The following ITGAD variants were observed in gnomAD, a reference collection of about 807,000 sequenced individuals.
The protein encoded by ITGAD is integrin alpha-D.
ITGAD carries 105 observed loss-of-function variants against 139.0 expected under a neutral mutation model. That is an observed-to-expected ratio of 0.76 (90% CI 0.65 to 0.89). The LOEUF is 0.89. Ranked by LOEUF, ITGAD falls within the 40% of genes least tolerant of loss-of-function variation. ITGAD has a pLI of 0.00. For missense variants in ITGAD, 1,384 were observed against 1,487.3 expected (o/e 0.93, Z 1.14); for synonymous variants, 569 against 598.3 (o/e 0.95, Z 0.71).
intron 2 of ITGAD, among the ~76,000 whole-genome samples, chr16:31,395,169 A>T (rs1009131444): frequency 1.8e-4 from 27 of 152,122 alleles, no homozygotes; most frequent in African/African-American, 6.5e-4. Flanking sequence ...ATGCAAAAAA[A>T]ATTAGCCGGG....
intron 5 of ITGAD, among the ~76,000 whole-genome samples, chr16:31,400,574 G>T: frequency 6.6e-6 from 1 of 152,196 alleles, no homozygotes; most frequent in Non-Finnish European, 1.5e-5. Flanking sequence ...CACGATTGCA[G>T]AGTGAACTCC....
At chr16:31,401,005 TC>T (rs1421129989) in intron 5 of ITGAD, among the ~76,000 whole-genome samples, 1 of 152,054 alleles carries the variant, frequency 6.6e-6, no homozygotes, top group Non-Finnish European at 1.5e-5. Flanking sequence ...TTGCCTGTCA[TC>T]CCAGTGCTTT....
chr16:31,418,654 C>T, intron 23 of ITGAD, 90 bp downstream of exon 23: 2 of 938,058 alleles, frequency 2.1e-6, no homozygotes, highest in Non-Finnish European at 3.5e-6. Context: ...TCCAATGATG[C>T]ACATCTAAGC....
intron 16 of ITGAD, 50 bp from the exon 17 acceptor site, chr16:31,414,401 A>G: frequency 6.3e-7 from 1 of 1,591,590 alleles, no homozygotes; most frequent in Non-Finnish European, 8.6e-7. Flanking sequence ...AAAACAGAGC[A>G]TTCTAGGTTA....
chr16:31,418,711 A>G (rs971850567), intron 23 of ITGAD, 147 bp downstream of exon 23: 1 of 680,486 alleles, frequency 1.5e-6, no homozygotes, highest in Non-Finnish European at 2.6e-6. Context: ...ATATATAATG[A>G]CATTTATGCT....
rs2081217974 is a variant in ITGAD at position 31,394,465 on chromosome 16, G to C, written c.137+124G>C. On this transcript the variant is annotated intron_variant, in intron 2 of 29. Transcript: ENST00000389202. ...AGCAGGGGTGAGAAGTCTTCCCTTG[G>C]CTCCTTGGAGGCCCTGACATCAGCA... 3 of 608,698 alleles carry C rather than the reference G, an allele frequency of 4.9e-6. No homozygotes were observed. The South Asian group carries it at 5.9e-5, about 12-fold the overall frequency. The allele number at this position is 608,698 out of a possible 1,614,324, so 37.7% of individuals were successfully genotyped here.
chr16:31,413,338 C>A, intron 16 of ITGAD, 92 bp downstream of exon 16: 1 of 1,336,258 alleles, frequency 7.5e-7, no homozygotes, highest in Non-Finnish European at 1.0e-6. Context: ...GGAATCCAAT[C>A]TTACCTCCAC....
At chr16:31,399,071 T>C (rs2081342075) in intron 5 of ITGAD, among the ~76,000 whole-genome samples, 1 of 152,208 alleles carries the variant, frequency 6.6e-6, no homozygotes, top group African/African-American at 2.4e-5. Flanking sequence ...AGTGCCCATG[T>C]CTTCCACAGA....
rs769152136 is a variant in ITGAD at position 31,423,112 on chromosome 16, A to C, written c.2781-2A>C. ...TTTTTCACCCACAGGCTCTCTCTCC[A>C]GGCAGGAAGAATCCACCAAGTACTT... On this transcript the variant is annotated splice_acceptor_variant, in intron 23 of 29. Coordinates refer to ENST00000389202, the MANE Select transcript of ITGAD (RefSeq NM_005353.3). LOFTEE classifies it high-confidence loss of function. 9.3e-6 allele frequency: 15 copies of C among 1,613,644 alleles called. No individual in the cohort carries two copies. Among genetic ancestry groups the C allele is most frequent in the Non-Finnish European group, 1.3e-5 (15 of 1,179,644 alleles).
In ITGAD at chr16:31,424,510, C is replaced by T. The variant is rs780779075; in HGVS notation, c.3305C>T (p.Pro1102Leu). The T allele has an allele frequency of 6.2e-7, 1 of 1,614,032 alleles. No homozygotes were observed. The highest frequency in any genetic ancestry group is 1.1e-5 in the South Asian group (1 of 91,074). ...LEEDEVYNAI[P>L]IIMGSSVGAL... ...GAAGACGAGGTCTACAATGCCATTC[C>T]CATCATCATGGGCAGCTCTGTGGGG... Residue 1102 changes from proline to leucine, a missense_variant, in exon 29 of 30, where the codon CCC becomes CTC. Transcript: ENST00000389202.
intron 23 of ITGAD, among the ~76,000 whole-genome samples, chr16:31,421,693 C>T (rs946855692): frequency 3.3e-5 from 5 of 152,046 alleles, no homozygotes; most frequent in African/African-American, 7.2e-5. Flanking sequence ...GAGGTTGCTA[C>T]GGTTTGCATC....
chr16:31,413,243 C>A lies in ITGAD; in HGVS notation c.1993C>A (p.Leu665Ile), dbSNP rs375316528. The change falls in exon 16 of 30, where the codon CTA (leucine) becomes ATA (isoleucine). Residue 665 changes from leucine (L) to isoleucine (I), a missense_variant. Transcript: ENST00000389202. ...LTIQKSSLDQ[L>I]GDIQSSVRFD... ...CATCCAGAAAAGCTCACTGGACCAG[C>A]TAGGTGTGTTTCCCCCATAAAGGGG... The A allele has an allele frequency of 2.5e-6, 4 of 1,613,890 alleles. No individual in the cohort carries two copies. The East Asian group carries it at 8.9e-5, about 36-fold the overall frequency.
Position 31,423,977 on chromosome 16 carries a change from A to G in ITGAD, c.3159+19A>G. On this transcript the variant is annotated intron_variant, in intron 27 of 29. Coordinates refer to ENST00000389202, the MANE Select transcript of ITGAD (RefSeq NM_005353.3). ...CCGCGAGGTGTGTGGGGGCAGCGGC[A>G]GAGCCCCTGCCCCAGACTCAGGCAG... The G allele has an allele frequency of 1.2e-6, 2 of 1,610,158 alleles. No homozygotes were observed. Among genetic ancestry groups the G allele is most frequent in the Non-Finnish European group, 1.7e-6 (2 of 1,176,402 alleles).
intron 5 of ITGAD, among the ~76,000 whole-genome samples, chr16:31,398,331 A>G (rs2081323064): frequency 2.0e-5 from 3 of 151,642 alleles, no homozygotes. Flanking sequence ...GGAGGCAGAG[A>G]CAGAAGAATC....
intron 9 of ITGAD, 38 bp downstream of exon 9, chr16:31,407,954 T>G (rs765497589): frequency 3.9e-6 from 6 of 1,532,210 alleles, no homozygotes; most frequent in Non-Finnish European, 5.3e-6. Flanking sequence ...AGCCAAGGGG[T>G]CCCCACCCAA....
At chr16:31,413,734 A>T (rs568890199) in intron 16 of ITGAD, among the ~76,000 whole-genome samples, 2 of 152,072 alleles carry the variant, frequency 1.3e-5, no homozygotes, top group African/African-American at 4.8e-5. Flanking sequence ...CCTCCTTACT[A>T]GGCACGCTTT....
chr16:31,424,073 TC>T, intron 27 of ITGAD, 28 bp from the exon 28 acceptor site: 1 of 1,613,874 alleles, frequency 6.2e-7, no homozygotes. Context: ...CAGAGCCAGT[TC>T]CACAGGTTTC....
intron 19 of ITGAD, 21 bp from the exon 20 acceptor site, chr16:31,416,484 A>G: frequency 2.5e-6 from 4 of 1,600,496 alleles, no homozygotes; most frequent in Non-Finnish European, 3.4e-6. Flanking sequence ...CGCCACTCCC[A>G]GCCTCGTCCT....
intron 23 of ITGAD, among the ~76,000 whole-genome samples, chr16:31,422,785 G>T (rs1220711739): frequency 6.6e-6 from 1 of 152,142 alleles, no homozygotes; most frequent in Admixed American, 6.6e-5. Flanking sequence ...GGATCTGGGT[G>T]ATGGGGGCAA....
Sources: gnomAD v4.1 joint callset for allele counts (sites outside exome capture counted in the v4.1 genomes callset) on GRCh38, gnomAD v4.1.1 for gene constraint, MANE v1.5 for transcripts, NCBI Gene and HGNC (gene_info 2026-07-23, HGNC 2026-07-21) for gene names.